CHRM5: variants seen among roughly 807,000 people sequenced by gnomAD.
CHRM5 encodes cholinergic receptor muscarinic 5.
Under a neutral mutation model 39.0 loss-of-function variants are expected in CHRM5, and 18 were observed. That is an observed-to-expected ratio of 0.46 (90% confidence interval 0.32 to 0.68). CHRM5 has a LOEUF of 0.68. Among genes scored for constraint, CHRM5 ranks in the 30% least tolerant of loss-of-function variants. The pLI is 0.04. For synonymous variants in CHRM5, 241 were observed against 246.3 expected, an observed-to-expected ratio of 0.98 and a Z score of 0.20; for missense variants, 515 against 651.1, an observed-to-expected ratio of 0.79 and a Z score of 2.28.
At chr15:34,023,048 G>C (rs145021493) in intron 1 of CHRM5, among the ~76,000 whole-genome samples, 3 of 152,162 alleles carry the variant, frequency 2.0e-5, no homozygotes, top group Non-Finnish European at 4.4e-5. Flanking sequence ...TTAGCCTGGC[G>C]TGGTGGTGTG....
At position 34,062,927 on chromosome 15, in the gene CHRM5, C is replaced by A; in HGVS notation, c.210C>A (p.Leu70=). ...AGACAGTTAACAACTATTACCTGCTCAGCTTAGCCTGTGCAGATCTCATCA... is the reference window on the plus strand; with the variant it reads ...AGACAGTTAACAACTATTACCTGCTAAGCTTAGCCTGTGCAGATCTCATCA... The part of the protein sequence containing the change: ...QLKTVNNYYL[L]SLACADLIIG... The change falls in exon 3 of 3, where the codon CTC becomes CTA. Residue 70 remains leucine (L), a synonymous_variant. Coordinates refer to ENST00000383263, the MANE Select transcript of CHRM5 (RefSeq NM_012125.4). The A allele has an allele frequency of 6.2e-7, 1 of 1,614,200 alleles. No individual in the cohort carries two copies. Among genetic ancestry groups the A allele is most frequent in the South Asian group, 1.1e-5 (1 of 91,078 alleles).
At chr15:34,051,304 G>GA (rs34958240) in intron 2 of CHRM5, among the ~76,000 whole-genome samples, 119,431 of 152,034 alleles carry the variant, frequency 0.79, 47,195 homozygotes, top group East Asian at 1. Context: ...CTGAAACAAA[G>GA]GACAAAGTAC....
intron 1 of CHRM5, among the ~76,000 whole-genome samples, chr15:34,002,378 A>T (rs755597774): frequency 5.6e-5 from 8 of 142,664 alleles, no homozygotes; most frequent in Non-Finnish European, 1.1e-4. Flanking sequence ...GTTATTCTTT[A>T]AACTCTTACG....
intron 1 of CHRM5, among the ~76,000 whole-genome samples, chr15:34,021,837 C>T (rs1898214850): frequency 6.6e-6 from 1 of 151,952 alleles, no homozygotes; most frequent in African/African-American, 2.4e-5. Context: ...CCTGGGTGGA[C>T]AGCGCAAGAC....
chr15:34,018,146 C>G (rs192126914), intron 1 of CHRM5: 1 of 152,320 alleles, frequency 6.6e-6, no homozygotes, highest in African/African-American at 2.4e-5. Flanking sequence ...CAAGCAGGTC[C>G]TTCAGGAGCT....
chr15:33,969,808 T>C (rs1338785845), intron 1 of CHRM5, among the ~76,000 whole-genome samples: 1 of 151,990 alleles, frequency 6.6e-6, no homozygotes, highest in Non-Finnish European at 1.5e-5. Context: ...CCTTAAAACC[T>C]CAAAAGCTTT....
chr15:34,052,040 CA>C (rs1179010629), intron 2 of CHRM5, among the ~76,000 whole-genome samples: 3 of 151,684 alleles, frequency 2.0e-5, no homozygotes, highest in African/African-American at 7.3e-5. Context: ...AGAGATACAA[CA>C]AAAAAAAGAA....
chr15:34,025,204 A>G, intron 1 of CHRM5, among the ~76,000 whole-genome samples: 1 of 152,226 alleles, frequency 6.6e-6, no homozygotes, highest in East Asian at 1.9e-4. Context: ...GAGCATGTGA[A>G]AATGAATAAG....
At chr15:34,030,494 T>C (rs779118939) in intron 1 of CHRM5, among the ~76,000 whole-genome samples, 7 of 152,026 alleles carry the variant, frequency 4.6e-5, no homozygotes, top group Non-Finnish European at 8.8e-5. Context: ...TACAGCTGCC[T>C]GCCACCTCGC....
chr15:34,006,715 G>A (rs1897360626), intron 1 of CHRM5, among the ~76,000 whole-genome samples: 1 of 152,104 alleles, frequency 6.6e-6, no homozygotes, highest in Non-Finnish European at 1.5e-5. Flanking sequence ...CACTGAACAA[G>A]GATCTCATTA....
intron 1 of CHRM5, among the ~76,000 whole-genome samples, chr15:34,001,638 T>A (rs1170665465): frequency 3.3e-5 from 5 of 152,216 alleles, no homozygotes; most frequent in Admixed American, 2.0e-4. Context: ...GTGTTACCAG[T>A]TCTTGAACAG....
At chr15:34,055,251 C>A (rs1484366067) in intron 2 of CHRM5, among the ~76,000 whole-genome samples, 3 of 150,924 alleles carry the variant, frequency 2.0e-5, no homozygotes, top group Admixed American at 6.6e-5. Context: ...GTAATCCCAG[C>A]ATTTGGGAGG....
At chr15:33,993,810 G>A (rs1183872512) in intron 1 of CHRM5, among the ~76,000 whole-genome samples, 1 of 142,940 alleles carries the variant, frequency 7.0e-6, no homozygotes, top group Non-Finnish European at 1.5e-5. Flanking sequence ...TGTCACTTTA[G>A]TATTTAAATA....
At chr15:34,023,366 T>C (rs1359773170) in intron 1 of CHRM5, among the ~76,000 whole-genome samples, 1 of 152,204 alleles carries the variant, frequency 6.6e-6, no homozygotes, top group African/African-American at 2.4e-5. Flanking sequence ...TAACCTCATC[T>C]TGGCCGAGTC....
chr15:33,980,883 C>T (rs986434911), intron 1 of CHRM5, among the ~76,000 whole-genome samples: 1 of 152,136 alleles, frequency 6.6e-6, no homozygotes, highest in African/African-American at 2.4e-5. Context: ...AAAAATACAG[C>T]TAAATGTAGC....
In CHRM5 at chr15:34,021,823, C is replaced by G. The variant is rs149685758; in HGVS notation, c.-407-24717C>G. On this transcript the variant is annotated intron_variant, in intron 1 of 2. Coordinates refer to ENST00000383263, the MANE Select transcript of CHRM5 (RefSeq NM_012125.4). ...TGAGCCGAGGTTGCGCCACTGCACT[C>G]CAGCCTGGGTGGACAGCGCAAGACT... Among the ~76,000 whole-genome samples, 127 of 152,134 alleles carry G rather than the reference C, an allele frequency of 8.3e-4. 1 individual carries two copies. Among genetic ancestry groups the G allele is most frequent in the African/African-American group, 2.9e-3 (121 of 41,514 alleles).
intron 1 of CHRM5, among the ~76,000 whole-genome samples, chr15:34,032,175 T>C (rs1320131810): frequency 6.6e-6 from 1 of 152,160 alleles, no homozygotes. Flanking sequence ...TACTTCAAAG[T>C]GCATCAAGAA....
intron 1 of CHRM5, among the ~76,000 whole-genome samples, chr15:33,998,165 A>C (rs1567457579): frequency 1.3e-5 from 2 of 152,134 alleles, no homozygotes; most frequent in African/African-American, 4.8e-5. Flanking sequence ...AAACTGCCCA[A>C]GCCCCAGCAA....
intron 1 of CHRM5, among the ~76,000 whole-genome samples, chr15:34,016,278 C>G (rs115825310): frequency 4.3e-4 from 65 of 152,274 alleles, no homozygotes; most frequent in African/African-American, 1.4e-3. Flanking sequence ...ACTTATCTCT[C>G]CTAGGTTCTG....
Sources: allele counts gnomAD v4.1 joint callset (sites outside exome capture counted in the v4.1 genomes callset), GRCh38; gene constraint gnomAD v4.1.1; transcripts MANE v1.5; gene names NCBI Gene and HGNC (gene_info 2026-07-23, HGNC 2026-07-21).